EML5: variants seen among roughly 807,000 people sequenced by gnomAD.
The protein encoded by EML5 is EMAP like 5.
EML5 carries 120 observed loss-of-function variants against 250.0 expected under a neutral mutation model. That is an observed-to-expected ratio of 0.48 (90% CI 0.41 to 0.56). EML5 has a LOEUF of 0.56. Ranked by LOEUF, EML5 falls within the 20% of genes least tolerant of loss-of-function variation. The pLI, the probability that EML5 is intolerant of heterozygous loss-of-function variation, is 0.00. For synonymous variants in EML5, 771 were observed against 806.5 expected (o/e 0.96, Z 0.75); for missense variants, 2,006 against 2,437.6 (o/e 0.82, Z 3.73).
At chr14:88,751,149 T>C (rs754735500) in intron 2 of EML5, among the ~76,000 whole-genome samples, 3 of 152,176 alleles carry the variant, frequency 2.0e-5, no homozygotes, top group Non-Finnish European at 4.4e-5. Flanking sequence ...AACATCCCTA[T>C]GCATAGATTA....
At chr14:88,745,163 GTGTT>G (rs575958301) in intron 3 of EML5, among the ~76,000 whole-genome samples, 1 of 141,946 alleles carries the variant, frequency 7.0e-6, no homozygotes, top group Non-Finnish European at 1.6e-5. Context: ...TCTAAATTGT[GTGTT>G]TGTGTGTGTG....
chr14:88,680,420 A>G (rs1403133500), intron 21 of EML5, among the ~76,000 whole-genome samples: 1 of 152,118 alleles, frequency 6.6e-6, no homozygotes. Flanking sequence ...AGGAAAAATC[A>G]TACTTGAGAA....
chr14:88,618,898 TAAAAGTAACGTGTGATAAGGCCTC>T, intron 39 of EML5, 86 bp from the exon 40 acceptor site: 1 of 1,388,160 alleles, frequency 7.2e-7, no homozygotes, highest in Non-Finnish European at 9.6e-7. Flanking sequence ...TTCTAGTTCT[TAAAAGTAACGTGTGATAAGGCCTC>T]AAATAGATTT....
rs772800324 is a variant in EML5, at chr14:88,715,031, A to G, written c.1352T>C (p.Leu451Pro). Residue 451 changes from leucine (L) to proline (P), a missense_variant, in exon 9 of 44, where the codon CTT becomes CCT. Physicochemically the swap from Leu to Pro is moderately conservative, Grantham distance 98 (BLOSUM62 -3). Around this residue, in one of 7 missense-constraint regions of EML5, gnomAD observed 1,375 missense variants for 1,590.3 expected, o/e 0.86. Coordinates refer to ENST00000554922, the MANE Select transcript of EML5 (RefSeq NM_183387.3). ...YKKVGECLGSLSFITHLDWSS... is the reference protein window; with the variant it reads ...YKKVGECLGSPSFITHLDWSS... ...CCAGTCCAGATGAGTGATGAAACTA[A>G]GGGATCCCAAACACTCGCCAACTTT... 1.2e-6 allele frequency: 2 copies of G among 1,613,786 alleles called. No homozygotes were observed. The highest frequency in any genetic ancestry group is 2.7e-5 in the African/African-American group (2 of 74,932).
At chr14:88,648,919 C>T (rs1021970472) in intron 28 of EML5, among the ~76,000 whole-genome samples, 1 of 152,130 alleles carries the variant, frequency 6.6e-6, no homozygotes, top group Admixed American at 6.5e-5. Context: ...TGGATTCCTG[C>T]TGTAGATATA....
At chr14:88,679,141 T>C (rs1389829760) in intron 21 of EML5, among the ~76,000 whole-genome samples, 4 of 149,866 alleles carry the variant, frequency 2.7e-5, no homozygotes, top group Non-Finnish European at 5.9e-5. Context: ...CATCAGTCAC[T>C]GGATTTAGAG....
intron 27 of EML5, among the ~76,000 whole-genome samples, chr14:88,651,554 T>TA (rs1491572435): frequency 6.6e-5 from 10 of 152,084 alleles, no homozygotes; most frequent in Non-Finnish European, 1.3e-4. Context: ...ATAATTTTTT[T>TA]AAAAAATCAA....
intron 5 of EML5, among the ~76,000 whole-genome samples, chr14:88,739,285 G>A (rs2093890319): frequency 6.6e-6 from 1 of 152,070 alleles, no homozygotes; most frequent in Non-Finnish European, 1.5e-5. Context: ...CATTAGCAAT[G>A]AAACCCAGAT....
intron 1 of EML5, among the ~76,000 whole-genome samples, chr14:88,769,011 G>A (rs555845220): frequency 9.9e-5 from 15 of 152,242 alleles, no homozygotes; most frequent in South Asian, 8.3e-4. Flanking sequence ...TATCATCTCC[G>A]AAGGGGCAAA....
At position 88,721,458 on chromosome 14, in the gene EML5, G is replaced by T. The variant is rs556850028; in HGVS notation, c.1187+5083C>A. ...AACAGAATAGAGAATTCAGAAATAA[G>T]ACCACACATCTACAACCATCTGATC... is the stretch of plus-strand genomic sequence containing the variant. On this transcript the variant is annotated intron_variant, in intron 8 of 43. Coordinates refer to ENST00000554922, the MANE Select transcript of EML5 (RefSeq NM_183387.3). Among the ~76,000 whole-genome samples the T allele has an allele frequency of 2.0e-5, 3 of 152,088 alleles. 1 individual carries two copies. Among genetic ancestry groups the T allele is most frequent in the African/African-American group, 7.2e-5 (3 of 41,502 alleles).
Position 88,740,487 on chromosome 14 carries a change from G to C in EML5, c.611C>G (p.Ala204Gly), listed in dbSNP as rs748250759. The C allele has an allele frequency of 1.9e-6, 3 of 1,613,638 alleles. No individual in the cohort carries two copies. In the African/African-American group the frequency reaches 4.0e-5, roughly 22 times the overall value. ...TGDLQTILCL[A>G]CARDELTYSG... ...ATATGTTAATTCATCCCTTGCACAGGCTAGGCACAGTATTGTCTGAAGGTC... is the reference window on the plus strand; with the variant it reads ...ATATGTTAATTCATCCCTTGCACAGCCTAGGCACAGTATTGTCTGAAGGTC... The change falls in exon 5 of 44, where the codon GCC (alanine) becomes GGC (glycine). Residue 204 changes from alanine (A) to glycine (G), a missense_variant. By Grantham distance (60) the Ala-to-Gly change is moderately conservative. This residue lies in a region of EML5 where 1,375 missense variants were observed against 1,590.3 expected (regional missense o/e 0.86). Transcript: ENST00000554922.
In EML5 at chr14:88,622,638, G is replaced by T. The variant is rs764417007; in HGVS notation, c.4979C>A (p.Ala1660Asp). 3 of 1,610,588 alleles carry T rather than the reference G, an allele frequency of 1.9e-6. No individual in the cohort carries two copies. The African/African-American group carries it at 4.0e-5, about 22-fold the overall frequency. ...GCACACAGAACGAACACAATCTGTG[G>T]CTTGTCCTGTCTCAAGCCTGAAGGC... Reference protein sequence around the residue: ...CRAFRLETGQATDCVRSVCRG... With the variant: ...CRAFRLETGQDTDCVRSVCRG... The change falls in exon 37 of 44, where the codon GCC becomes GAC. Residue 1660 changes from alanine to aspartate, a missense_variant. By Grantham distance (126) the Ala-to-Asp change is moderately radical. Coordinates refer to ENST00000554922, the MANE Select transcript of EML5 (RefSeq NM_183387.3).
At chr14:88,662,860 T>A (rs1280788330) in intron 24 of EML5, among the ~76,000 whole-genome samples, 171 bp downstream of exon 24, 2 of 152,156 alleles carry the variant, frequency 1.3e-5, no homozygotes, top group Non-Finnish European at 1.5e-5. Context: ...TTTATTAATA[T>A]AGTGTTTCTT....
intron 19 of EML5, among the ~76,000 whole-genome samples, chr14:88,686,382 C>T (rs1048613052): frequency 5.3e-5 from 8 of 151,638 alleles, no homozygotes; most frequent in Non-Finnish European, 1.0e-4. Context: ...TGCACATGTA[C>T]CCTAGAACTC....
intron 36 of EML5, chr14:88,622,949 T>A: frequency 2.5e-6 from 1 of 396,102 alleles, no homozygotes; most frequent in South Asian, 6.3e-5. Context: ...TACTCTTTTT[T>A]TCTGACATGA....
At chr14:88,632,007 T>C (rs913946799) in intron 33 of EML5, among the ~76,000 whole-genome samples, 6 of 152,146 alleles carry the variant, frequency 3.9e-5, no homozygotes, top group African/African-American at 1.2e-4. Flanking sequence ...CATCCCCAAA[T>C]CTACCAGTCT....
intron 7 of EML5, among the ~76,000 whole-genome samples, chr14:88,735,806 T>C (rs1012886514): frequency 5.3e-5 from 8 of 152,192 alleles, no homozygotes; most frequent in Non-Finnish European, 1.2e-4. Flanking sequence ...TAAATTACAG[T>C]ATATCCATGC....
intron 33 of EML5, among the ~76,000 whole-genome samples, chr14:88,629,909 T>A (rs371954725): frequency 6.6e-6 from 1 of 152,196 alleles, no homozygotes; most frequent in African/African-American, 2.4e-5. Context: ...GTTTCCAGTA[T>A]AGAGATGCCA....
intron 31 of EML5, among the ~76,000 whole-genome samples, chr14:88,641,073 C>G (rs1449123611): frequency 6.6e-6 from 1 of 151,944 alleles, no homozygotes; most frequent in African/African-American, 2.4e-5. Flanking sequence ...CAGGAAGAAA[C>G]TGAAATCTTA....
Sources: allele counts gnomAD v4.1 joint callset (sites outside exome capture counted in the v4.1 genomes callset), GRCh38; gene constraint gnomAD v4.1.1; regional missense constraint gnomAD v4.1.1; transcripts MANE v1.5; gene names NCBI Gene and HGNC (gene_info 2026-07-23, HGNC 2026-07-21).